SLC25A37: variants seen among roughly 807,000 people sequenced by gnomAD.
The protein encoded by SLC25A37 is mitoferrin-1.
In SLC25A37, 17 loss-of-function variants were observed where a neutral mutation model predicts 31.0. The observed-to-expected ratio is 0.55, with a 90% confidence interval of 0.38 to 0.82. SLC25A37 has a LOEUF of 0.82. SLC25A37 is among the 40% of genes least tolerant of loss of function. SLC25A37 has a pLI of 0.00. For missense variants in SLC25A37, 404 were observed against 465.8 expected (o/e 0.87, Z 1.22); for synonymous variants, 222 against 193.0 (o/e 1.15, Z -1.24).
rs545950617 is a variant in SLC25A37 at position 23,562,076 on chromosome 8, A to G, written c.211-4032A>G. On this transcript the variant is annotated intron_variant, in intron 1 of 3. Transcript: ENST00000519973. ...TGGAACTTAAGGAAGGCCTTTGACC[A>G]TAGGCTGGGCTTGCAAAACCTTGGT... Among the ~76,000 whole-genome samples, 155 of 152,328 alleles carry G rather than the reference A, an allele frequency of 1.0e-3. 1 individual carries two copies. The highest frequency in any genetic ancestry group is 3.7e-3 in the African/African-American group (152 of 41,582).
At chr8:23,545,337 C>T (rs567468460) in intron 1 of SLC25A37, among the ~76,000 whole-genome samples, 99 of 152,334 alleles carry the variant, frequency 6.5e-4, no homozygotes, top group Non-Finnish European at 8.7e-4. Context: ...GCCTTCCTCT[C>T]TCAGAGATGG....
intron 1 of SLC25A37, among the ~76,000 whole-genome samples, chr8:23,551,666 G>A (rs1160921360): frequency 3.9e-5 from 6 of 151,970 alleles, no homozygotes; most frequent in Non-Finnish European, 7.4e-5. Flanking sequence ...TCCTCACAGA[G>A]ACTTTAGGCA....
At position 23,574,165 on chromosome 8, in the gene SLC25A37, C is replaced by T. The variant is rs997715817; in HGVS notation, c.*2310C>T. 3 of 280,940 alleles carry T rather than the reference C, an allele frequency of 1.1e-5. No homozygotes were observed. Among genetic ancestry groups the T allele is most frequent in the Non-Finnish European group, 2.2e-5 (3 of 138,872 alleles). 17.4% of individuals were successfully genotyped at this position (280,940 alleles called of 1,614,324 possible). On this transcript the variant is annotated 3_prime_UTR_variant, in exon 4 of 4. Coordinates refer to ENST00000519973, the MANE Select transcript of SLC25A37 (RefSeq NM_016612.4). ...GAGCACTCCTTTGGTTAGAGGGATG[C>T]AAGAAGGAGAGGTGAAGGTGGCGTG...
intron 1 of SLC25A37, among the ~76,000 whole-genome samples, chr8:23,537,498 T>TC (rs954872516): frequency 6.6e-6 from 1 of 152,194 alleles, no homozygotes; most frequent in African/African-American, 2.4e-5. Context: ...CTTCTGCAGT[T>TC]CATTCTGCAC....
rs1020395032 is a variant in SLC25A37 at position 23,574,199 on chromosome 8, C to T, written c.*2344C>T. ...GAGGTGAAGGTGGCGTGTGGTGGCT[C>T]ATGCCTGTAATCCCAGCACTTTGGG... is the stretch of plus-strand genomic sequence containing the variant. On this transcript the variant is annotated 3_prime_UTR_variant, in exon 4 of 4. Coordinates refer to ENST00000519973, the MANE Select transcript of SLC25A37 (RefSeq NM_016612.4). 8.1e-6 allele frequency: 2 copies of T among 248,174 alleles called. No homozygotes were observed. The highest frequency in any genetic ancestry group is 2.2e-5 in the African/African-American group (1 of 44,496). 15.4% of individuals were successfully genotyped at this position (248,174 alleles called of 1,614,324 possible).
At chr8:23,562,372 C>T (rs1250659903) in intron 1 of SLC25A37, among the ~76,000 whole-genome samples, 1 of 152,196 alleles carries the variant, frequency 6.6e-6, no homozygotes, top group East Asian at 1.9e-4. Context: ...ATGGCAAGCA[C>T]AGCTAAGTCC....
intron 1 of SLC25A37, among the ~76,000 whole-genome samples, chr8:23,533,468 G>C (rs1439878177): frequency 6.6e-6 from 1 of 152,204 alleles, no homozygotes; most frequent in East Asian, 1.9e-4. Context: ...TTCCACTTGG[G>C]CACGTTTCAG....
At chr8:23,538,522 C>CGTGT (rs202005751) in intron 1 of SLC25A37, among the ~76,000 whole-genome samples, 76 of 108,920 alleles carry the variant, frequency 7.0e-4, no homozygotes, top group African/African-American at 4.0e-3. Flanking sequence ...CGTTGTTTGT[C>CGTGT]GTGTGTGTGT....
intron 1 of SLC25A37, among the ~76,000 whole-genome samples, chr8:23,565,734 T>C (rs764235985): frequency 6.6e-6 from 1 of 152,224 alleles, no homozygotes; most frequent in Non-Finnish European, 1.5e-5. Flanking sequence ...CTCTGAGTTT[T>C]TGAAGGGTTT....
intron 1 of SLC25A37, among the ~76,000 whole-genome samples, chr8:23,559,938 A>G (rs976874707): frequency 1.3e-5 from 2 of 152,170 alleles, no homozygotes; most frequent in South Asian, 4.1e-4. Flanking sequence ...TCACTCCCAG[A>G]TGTTTTTTCC....
intron 1 of SLC25A37, among the ~76,000 whole-genome samples, chr8:23,545,297 A>G (rs1802005847): frequency 6.6e-6 from 1 of 152,210 alleles, no homozygotes; most frequent in Non-Finnish European, 1.5e-5. Flanking sequence ...GGAGAGCTGG[A>G]CACTTTCCTG....
chr8:23,555,822 T>C (rs4872154), intron 1 of SLC25A37, among the ~76,000 whole-genome samples: 72,707 of 152,100 alleles, frequency 0.48, 17,760 homozygotes, highest in African/African-American at 0.58. Flanking sequence ...CACATATGAA[T>C]CCACTTTCTC....
chr8:23,575,460 C>G lies in SLC25A37; in HGVS notation c.*3605C>G, dbSNP rs567122192. 6.6e-6 allele frequency: 1 copy of G among 152,116 alleles called. No homozygotes were observed. The highest frequency in any genetic ancestry group is 1.5e-5 in the Non-Finnish European group (1 of 68,046). 9.4% of individuals were successfully genotyped at this position (152,116 alleles called of 1,614,324 possible). ...CTAGAGAAAATAAAGTACTGATCTT[C>G]GAAGTGTTGTGGGCTCTGTGGTGGG... On this transcript the variant is annotated 3_prime_UTR_variant, in exon 4 of 4. Coordinates refer to ENST00000519973, the MANE Select transcript of SLC25A37 (RefSeq NM_016612.4).
chr8:23,560,337 C>T (rs1802483004), intron 1 of SLC25A37, among the ~76,000 whole-genome samples: 1 of 152,182 alleles, frequency 6.6e-6, no homozygotes, highest in Non-Finnish European at 1.5e-5. Flanking sequence ...GCCACTTCTG[C>T]CTGCCTTCCT....
At chr8:23,569,581 A>G (rs1292700810) in intron 3 of SLC25A37, among the ~76,000 whole-genome samples, 1 of 152,272 alleles carries the variant, frequency 6.6e-6, no homozygotes, top group Non-Finnish European at 1.5e-5. Flanking sequence ...CGTGGAGAGA[A>G]TAATACGATG....
intron 1 of SLC25A37, among the ~76,000 whole-genome samples, chr8:23,548,715 T>C (rs35410017): frequency 0.36 from 54,328 of 151,492 alleles, 10,910 homozygotes; most frequent in East Asian, 0.62. Flanking sequence ...GGTGATCTGC[T>C]CACCTCAGCC....
intron 3 of SLC25A37, 160 bp downstream of exon 3, chr8:23,568,538 C>T (rs1802730213): frequency 2.6e-6 from 2 of 774,992 alleles, no homozygotes; most frequent in African/African-American, 3.4e-5. Context: ...TTATCAAAGG[C>T]CTCAAGAAAG....
chr8:23,542,377 C>CTTTTTTTTTTT (rs59713954), intron 1 of SLC25A37, among the ~76,000 whole-genome samples: 21 of 118,098 alleles, frequency 1.8e-4, no homozygotes, highest in African/African-American at 4.2e-4. Flanking sequence ...TGTACTCCTA[C>CTTTTTTTTTTT]TTTTTTTTTT....
chr8:23,551,116 C>T (rs1181906361), intron 1 of SLC25A37, among the ~76,000 whole-genome samples: 1 of 152,250 alleles, frequency 6.6e-6, no homozygotes, highest in Non-Finnish European at 1.5e-5. Context: ...CAAAGGTCCC[C>T]AGAGCTGCCC....
Sources: gnomAD v4.1 joint callset for allele counts (sites outside exome capture counted in the v4.1 genomes callset) on GRCh38, gnomAD v4.1.1 for gene constraint, MANE v1.5 for transcripts, NCBI Gene and HGNC (gene_info 2026-07-23, HGNC 2026-07-21) for gene names.